The following ZNF208 variants were observed in gnomAD, a reference collection of about 807,000 sequenced individuals.
ZNF208 encodes zinc finger protein 95.
In ZNF208, 10 loss-of-function variants were observed where a neutral mutation model predicts 12.1. The observed-to-expected ratio is 0.83, with a 90% confidence interval of 0.51 to 1.40. The LOEUF (loss-of-function observed/expected upper bound fraction) is 1.40. Ranked by LOEUF, ZNF208 falls within the 40% of genes most tolerant of loss-of-function variation. The probability of loss-of-function intolerance (pLI) is 0.00; values close to 1 mark genes in which losing one functional copy is unlikely to be tolerated. For missense variants in ZNF208, 1,652 were observed against 1,485.0 expected, an observed-to-expected ratio of 1.11 and a Z score of -1.85; for synonymous variants, 497 against 488.4, an observed-to-expected ratio of 1.02 and a Z score of -0.23.
In ZNF208 at chr19:21,971,894, T is replaced by C. The variant is rs1568443231; in HGVS notation, c.3140A>G (p.His1047Arg). The C allele has an allele frequency of 3.3e-6, 5 of 1,530,186 alleles. No individual in the cohort carries two copies. In the South Asian group the frequency reaches 4.6e-5, roughly 14 times the overall value. 94.8% of individuals were successfully genotyped at this position (1,530,186 alleles called of 1,614,324 possible). A position where few individuals can be genotyped will look rare whatever the true frequency, so the allele number is the denominator to read the frequency against. ...TTTTTCTCCAGCATGAGTTGCCTTA[T>C]GTTCAGTAAGGCTTGAGGGCCAGCT... ...AFSWPSSLTEHKATHAGEKPY... is the reference protein window; with the variant it reads ...AFSWPSSLTERKATHAGEKPY... The change falls in exon 4 of 4, where the codon CAT becomes CGT. Residue 1047 changes from histidine to arginine, a missense_variant. Physicochemically the swap from His to Arg is conservative, Grantham distance 29 (BLOSUM62 0). Transcript: ENST00000397126.
rs1376814606 is a variant in ZNF208 at position 21,974,480 on chromosome 19, A to C, written c.554T>G (p.Leu185Arg). The C allele has an allele frequency of 6.2e-7, 1 of 1,613,732 alleles. No individual in the cohort carries two copies. The highest frequency in any genetic ancestry group is 2.2e-5 in the East Asian group (1 of 44,860). Residue 185 changes from leucine (L) to arginine (R), a missense_variant, in exon 4 of 4, where the codon CTT becomes CGT. Coordinates refer to ENST00000397126, the MANE Select transcript of ZNF208 (RefSeq NM_007153.3). ...TCTTTTATGTTGAGATAGGTGTGAA[A>C]GCATGCAAAATGATCTGACGTATTC... is the stretch of plus-strand genomic sequence containing the variant. ...CKEYVRSFCM[L>R]SHLSQHKRIY... is the part of the protein sequence containing the mutation.
chr19:21,962,963 C>G (rs777861085), downstream of ZNF208, among the ~76,000 whole-genome samples: 1 of 151,996 alleles, frequency 6.6e-6, no homozygotes, highest in African/African-American at 2.4e-5. Flanking sequence ...TGATAATAGT[C>G]TCATCTACGG....
intron 1 of ZNF208, among the ~76,000 whole-genome samples, chr19:21,995,717 G>A (rs964718985): frequency 6.6e-6 from 1 of 152,188 alleles, no homozygotes; most frequent in African/African-American, 2.4e-5. Flanking sequence ...ACATTTTACA[G>A]GTAGGTATAG....
At chr19:21,977,703 C>T (rs1248239746) in intron 3 of ZNF208, among the ~76,000 whole-genome samples, 1 of 152,128 alleles carries the variant, frequency 6.6e-6, no homozygotes, top group Non-Finnish European at 1.5e-5. Flanking sequence ...CCCCATACCC[C>T]AGTAGTGCCC....
At chr19:21,992,726 C>T (rs1970763001) in intron 1 of ZNF208, among the ~76,000 whole-genome samples, 1 of 152,046 alleles carries the variant, frequency 6.6e-6, no homozygotes, top group African/African-American at 2.4e-5. Flanking sequence ...ATAGAAGAAG[C>T]CGTAATATAG....
downstream of ZNF208, chr19:21,965,751 G>A (rs1970151799): frequency 6.7e-6 from 1 of 150,296 alleles, no homozygotes; most frequent in African/African-American, 2.5e-5. Flanking sequence ...TTCTAATTCA[G>A]TAATTTAGCA....
At chr19:22,007,981 G>A (rs987482568) in intron 1 of ZNF208, among the ~76,000 whole-genome samples, 5 of 137,508 alleles carry the variant, frequency 3.6e-5, no homozygotes, top group Admixed American at 8.0e-5. Flanking sequence ...TCCAGCCTGG[G>A]TGACAGAGGA....
intron 4 of ZNF208, among the ~76,000 whole-genome samples, chr19:21,953,137 C>A (rs78985571): frequency 1.4e-4 from 22 of 152,194 alleles, no homozygotes; most frequent in Middle Eastern, 3.4e-3. Context: ...AAGAAATGAA[C>A]AAAGCCTCCA....
chr19:21,978,735 A>G (rs1391189610), intron 3 of ZNF208, among the ~76,000 whole-genome samples: 2 of 152,210 alleles, frequency 1.3e-5, no homozygotes, highest in Non-Finnish European at 2.9e-5. Flanking sequence ...TGACGAATTG[A>G]CAGCTCAAAT....
chr19:22,005,144 T>C (rs918006667), intron 1 of ZNF208, among the ~76,000 whole-genome samples: 2 of 152,184 alleles, frequency 1.3e-5, no homozygotes, highest in Non-Finnish European at 2.9e-5. Context: ...GACACTTTTG[T>C]GGTTTTTGGC....
chr19:21,964,770 T>C (rs1312062917), downstream of ZNF208, among the ~76,000 whole-genome samples: 1 of 151,878 alleles, frequency 6.6e-6, no homozygotes, highest in Non-Finnish European at 1.5e-5. Context: ...GTTTCAGAAA[T>C]GCTAATATAA....
chr19:21,986,042 C>A (rs541070341), intron 3 of ZNF208, among the ~76,000 whole-genome samples: 1 of 152,180 alleles, frequency 6.6e-6, no homozygotes, highest in African/African-American at 2.4e-5. Context: ...TGTGACCGAG[C>A]TACAACCCTC....
At position 21,974,210 on chromosome 19, in the gene ZNF208, T is replaced by C. The variant is rs1436520851; in HGVS notation, c.824A>G (p.His275Arg). Residue 275 changes from histidine to arginine, a missense_variant, in exon 4 of 4, where the codon CAT (histidine) becomes CGT (arginine). Physicochemically the swap from His to Arg is conservative, Grantham distance 29 (BLOSUM62 0). This residue lies in a region of ZNF208 where 410 missense variants were observed against 378.2 expected (regional missense o/e 1.08). Transcript: ENST00000397126. ...TTTCTCTCCAGTATGAATTATCTTATGTTTAGTAAGGATTGCAGATTGGTT... is the reference window on the plus strand; with the variant it reads ...TTTCTCTCCAGTATGAATTATCTTACGTTTAGTAAGGATTGCAGATTGGTT... ...AFNQSAILTK[H>R]KIIHTGEKPN... The C allele has an allele frequency of 3.1e-6, 5 of 1,602,822 alleles. No individual in the cohort carries two copies. Among genetic ancestry groups the C allele is most frequent in the South Asian group, 2.2e-5 (2 of 90,770 alleles).
chr19:21,996,502 T>G lies in ZNF208; in HGVS notation c.4-7593A>C, dbSNP rs1310629874. On this transcript the variant is annotated intron_variant, in intron 1 of 3. Coordinates refer to ENST00000397126, the MANE Select transcript of ZNF208 (RefSeq NM_007153.3). ...AAAGGAGAAAAACGTAATTGTGCTC[T>G]CATTTTAATGTTTCTCTGACTTTAG... is the stretch of plus-strand genomic sequence containing the variant. Among the ~76,000 whole-genome samples the G allele has an allele frequency of 3.9e-5, 6 of 152,262 alleles. No individual in the cohort carries two copies. The East Asian group carries it at 1.2e-3, about 29-fold the overall frequency.
At chr19:21,995,021 A>C (rs754739875) in intron 1 of ZNF208, among the ~76,000 whole-genome samples, 213 of 146,298 alleles carry the variant, frequency 1.5e-3, no homozygotes, top group Non-Finnish European at 2.7e-3. Context: ...GTGTGATCTC[A>C]GCTCACTGCA....
chr19:21,996,377 A>C (rs1481934357), intron 1 of ZNF208, among the ~76,000 whole-genome samples: 1 of 152,212 alleles, frequency 6.6e-6, no homozygotes, highest in African/African-American at 2.4e-5. Flanking sequence ...ATTAAGGTTA[A>C]GGATATGGAA....
rs1249686002 is a variant in ZNF208 at position 21,968,931 on chromosome 19, T to A, written c.*2260A>T. Among the ~76,000 whole-genome samples the A allele has an allele frequency of 1.3e-5, 2 of 152,110 alleles. No homozygotes were observed. Among genetic ancestry groups the A allele is most frequent in the Non-Finnish European group, 2.9e-5 (2 of 68,014 alleles). On this transcript the variant is annotated 3_prime_UTR_variant, in exon 4 of 4. Coordinates refer to ENST00000397126, the MANE Select transcript of ZNF208 (RefSeq NM_007153.3). ...CAGGCACTGTGGCTCATGCCTGCAATCCCAGGACTTTGGGTGGCCAAGGTG... is the reference window on the plus strand; with the variant it reads ...CAGGCACTGTGGCTCATGCCTGCAAACCCAGGACTTTGGGTGGCCAAGGTG...
chr19:22,008,069 C>T (rs1971079096), intron 1 of ZNF208, among the ~76,000 whole-genome samples: 1 of 147,970 alleles, frequency 6.8e-6, no homozygotes, highest in Non-Finnish European at 1.5e-5. Flanking sequence ...CTTTGGGAGG[C>T]TGAGGCAGCC....
chr19:21,944,461 A>G (rs1284394779), intron 4 of ZNF208, among the ~76,000 whole-genome samples: 1 of 152,234 alleles, frequency 6.6e-6, no homozygotes, highest in Non-Finnish European at 1.5e-5. Context: ...AAAAATAAAT[A>G]TATTACATAT....
Sources: allele counts gnomAD v4.1 joint callset (sites outside exome capture counted in the v4.1 genomes callset), GRCh38; gene constraint gnomAD v4.1.1; regional missense constraint gnomAD v4.1.1; transcripts MANE v1.5; gene names NCBI Gene and HGNC (gene_info 2026-07-23, HGNC 2026-07-21).